ITFG1: variants seen among roughly 807,000 people sequenced by gnomAD.
ITFG1 encodes the protein T-cell immunomodulatory protein.
Under a neutral mutation model 81.8 loss-of-function variants are expected in ITFG1, and 34 were observed. The observed-to-expected ratio is 0.42, with a 90% confidence interval of 0.32 to 0.55. The LOEUF (loss-of-function observed/expected upper bound fraction) is 0.55, where lower values mean the gene tolerates loss of function less well. Ranked by LOEUF, ITFG1 falls within the 20% of genes least tolerant of loss-of-function variation. The pLI is 0.17. For synonymous variants in ITFG1, 285 were observed against 270.6 expected (o/e 1.05, Z -0.52); for missense variants, 672 against 755.4 (o/e 0.89, Z 1.29).
At chr16:47,365,006 A>T (rs904481697) in intron 8 of ITFG1, among the ~76,000 whole-genome samples, 1 of 152,234 alleles carries the variant, frequency 6.6e-6, no homozygotes, top group Non-Finnish European at 1.5e-5. Flanking sequence ...TGCTCTTGCT[A>T]TAAGCCTGTC....
intron 13 of ITFG1, among the ~76,000 whole-genome samples, chr16:47,221,800 G>A (rs904395332): frequency 6.6e-6 from 1 of 152,002 alleles, no homozygotes; most frequent in Non-Finnish European, 1.5e-5. Flanking sequence ...AGTTCTTCCT[G>A]GTTTAGTCTT....
At chr16:47,292,193 T>C (rs1213571418) in intron 10 of ITFG1, among the ~76,000 whole-genome samples, 1 of 152,140 alleles carries the variant, frequency 6.6e-6, no homozygotes, top group Non-Finnish European at 1.5e-5. Context: ...TTTGTATTTT[T>C]AGTAGAGATC....
chr16:47,296,565 A>C (rs1966985284), intron 10 of ITFG1, among the ~76,000 whole-genome samples: 2 of 152,064 alleles, frequency 1.3e-5, no homozygotes, highest in South Asian at 4.1e-4. Flanking sequence ...CCTCCTGAGT[A>C]GCTGGGATTA....
At chr16:47,351,271 G>T (rs1967950173) in intron 8 of ITFG1, among the ~76,000 whole-genome samples, 1 of 152,206 alleles carries the variant, frequency 6.6e-6, no homozygotes, top group Non-Finnish European at 1.5e-5. Flanking sequence ...AAGTCGAATT[G>T]TCCCTGTTTG....
intron 10 of ITFG1, 125 bp downstream of exon 10, chr16:47,311,115 C>A: frequency 1.7e-6 from 1 of 575,422 alleles, no homozygotes. Flanking sequence ...AGGAACTGAG[C>A]TCACCATGTT....
Position 47,158,873 on chromosome 16 carries a change from CT to C in ITFG1, c.1778del (p.Lys593ArgfsTer37). On this transcript the variant is annotated frameshift_variant and splice_region_variant, in exon 17 of 18. Transcript: ENST00000320640. LOFTEE classifies it high-confidence loss of function. ...AIIGILHWQEKKADDREKRQE... is the reference protein window; with the variant it reads ...AIIGILHWQEXKADDREKRQE... Reference sequence around the variant, plus strand: ...TAATGCTTCCTTTAAATGAACAAACCTTTTCCTGCCAATGTAAAATGCCAAT... The same window carrying C: ...TAATGCTTCCTTTAAATGAACAAACCTTTCCTGCCAATGTAAAATGCCAAT... 2.6e-6 allele frequency: 4 copies of C among 1,524,502 alleles called. No homozygotes were observed. Among genetic ancestry groups the C allele is most frequent in the Non-Finnish European group, 3.6e-6 (4 of 1,105,878 alleles). 94.4% of individuals were successfully genotyped at this position (1,524,502 alleles called of 1,614,324 possible).
chr16:47,328,343 G>A (rs932047912), intron 8 of ITFG1, among the ~76,000 whole-genome samples: 5 of 152,054 alleles, frequency 3.3e-5, no homozygotes, highest in Admixed American at 6.6e-5. Flanking sequence ...AGGCGGGAGC[G>A]ATAGCATTAG....
intron 14 of ITFG1, among the ~76,000 whole-genome samples, chr16:47,176,888 A>G (rs1240637729): frequency 6.6e-6 from 1 of 151,784 alleles, no homozygotes; most frequent in Non-Finnish European, 1.5e-5. Flanking sequence ...ATACACTATC[A>G]CTTGCTTTCC....
chr16:47,192,390 C>T (rs1407960259), intron 14 of ITFG1, among the ~76,000 whole-genome samples: 4 of 152,138 alleles, frequency 2.6e-5, no homozygotes, highest in African/African-American at 4.8e-5. Context: ...TTGGGTTTCC[C>T]TAGAGACTCC....
chr16:47,227,422 G>A (rs1965769799), intron 13 of ITFG1, among the ~76,000 whole-genome samples: 2 of 152,066 alleles, frequency 1.3e-5, no homozygotes, highest in South Asian at 4.1e-4. Flanking sequence ...ATTAGTGATG[G>A]TTCAATTTTT....
intron 8 of ITFG1, among the ~76,000 whole-genome samples, chr16:47,363,345 C>A (rs943379088): frequency 1.3e-5 from 2 of 152,154 alleles, no homozygotes; most frequent in Non-Finnish European, 2.9e-5. Flanking sequence ...CCCTGTGAAA[C>A]TACACAACCT....
rs142731586 is a variant in ITFG1, at chr16:47,426,408, A to T, written c.655+2396T>A. 27 of 151,608 alleles carry T rather than the reference A, an allele frequency of 1.8e-4. No individual in the cohort carries two copies. The East Asian group carries it at 5.2e-3, about 29-fold the overall frequency. The allele number at this position is 151,608 out of a possible 1,614,324, so 9.4% of individuals were successfully genotyped here. A position where few individuals can be genotyped will look rare whatever the true frequency, so the allele number is the denominator to read the frequency against. On this transcript the variant is annotated intron_variant, in intron 6 of 17. Coordinates refer to ENST00000320640, the MANE Select transcript of ITFG1 (RefSeq NM_030790.5). Reference sequence around the variant, plus strand: ...GTGTGTGTATAACAAAAATAAGATTAAAAAAATGAACCTATAAGTATAGAA... The same window carrying T: ...GTGTGTGTATAACAAAAATAAGATTTAAAAAATGAACCTATAAGTATAGAA...
intron 11 of ITFG1, among the ~76,000 whole-genome samples, chr16:47,259,857 C>G (rs1966185138): frequency 2.6e-5 from 4 of 151,950 alleles, no homozygotes; most frequent in Admixed American, 2.0e-4. Context: ...TACTCTGCGT[C>G]ACAAAGATAA....
At chr16:47,370,331 C>G (rs905592753) in intron 7 of ITFG1, among the ~76,000 whole-genome samples, 3 of 152,146 alleles carry the variant, frequency 2.0e-5, no homozygotes, top group Non-Finnish European at 4.4e-5. Context: ...TGGTGCTTTT[C>G]CGAGGCCGCC....
chr16:47,417,687 C>T (rs1596970021), intron 6 of ITFG1, among the ~76,000 whole-genome samples: 1 of 152,172 alleles, frequency 6.6e-6, no homozygotes, highest in East Asian at 1.9e-4. Context: ...TCTCAATACA[C>T]ATGTTGATGC....
At chr16:47,268,188 A>G (rs931801403) in intron 10 of ITFG1, among the ~76,000 whole-genome samples, 2 of 152,146 alleles carry the variant, frequency 1.3e-5, no homozygotes, top group Non-Finnish European at 2.9e-5. Context: ...AAGTACCAAT[A>G]TCAGAAATGA....
chr16:47,177,934 G>A (rs1233011505), intron 14 of ITFG1, among the ~76,000 whole-genome samples: 2 of 152,022 alleles, frequency 1.3e-5, no homozygotes, highest in African/African-American at 4.8e-5. Flanking sequence ...AAACTTAATT[G>A]TACAATATCA....
chr16:47,288,097 G>GTTCA (rs1210515965), intron 10 of ITFG1, among the ~76,000 whole-genome samples: 1 of 152,044 alleles, frequency 6.6e-6, no homozygotes, highest in Non-Finnish European at 1.5e-5. Flanking sequence ...AACCCTTGGC[G>GTTCA]TTCACCTATT....
In ITFG1 at chr16:47,237,998, A is replaced by C; in HGVS notation, c.1341T>G (p.Gly447=). The part of the protein sequence containing the change: ...AYFVKVIVLS[G]LCSNDCPRKI... The stretch of plus-strand genomic sequence containing the variant: ...TACGAGGACAGTCATTAGAACACAG[A>C]CCACTAAGAACTGTGGAAAAATAAA... Residue 447 remains glycine, a synonymous_variant, in exon 13 of 18, where the codon GGT becomes GGG. Transcript: ENST00000320640. 1 of 1,467,918 alleles carries C rather than the reference A, an allele frequency of 6.8e-7. No homozygotes were observed. Among genetic ancestry groups the C allele is most frequent in the Non-Finnish European group, 9.2e-7 (1 of 1,082,000 alleles). 90.9% of individuals were successfully genotyped at this position (1,467,918 alleles called of 1,614,324 possible).
Sources: allele counts gnomAD v4.1 joint callset (sites outside exome capture counted in the v4.1 genomes callset), GRCh38; gene constraint gnomAD v4.1.1; transcripts MANE v1.5; gene names NCBI Gene and HGNC (gene_info 2026-07-23, HGNC 2026-07-21).